CSE1L: variants seen among roughly 807,000 people sequenced by gnomAD.
CSE1L encodes the protein chromosome segregation 1 like.
CSE1L carries 24 observed loss-of-function variants against 120.4 expected under a neutral mutation model. That is an observed-to-expected ratio of 0.20 (90% CI 0.14 to 0.28). The LOEUF (loss-of-function observed/expected upper bound fraction) is 0.28, where lower values mean the gene tolerates loss of function less well. Among genes scored for constraint, CSE1L ranks in the 10% least tolerant of loss-of-function variants. The pLI is 1.00. For synonymous variants in CSE1L, 402 were observed against 398.3 expected, an observed-to-expected ratio of 1.01 and a Z score of -0.11; for missense variants, 830 against 1,145.2, an observed-to-expected ratio of 0.72 and a Z score of 3.97.
intron 1 of CSE1L, among the ~76,000 whole-genome samples, chr20:49,052,356 A>G (rs1384164793): frequency 6.6e-6 from 1 of 152,240 alleles, no homozygotes; most frequent in Admixed American, 6.5e-5. Context: ...AAATGAGGGT[A>G]ATTGCTAACA....
intron 1 of CSE1L, among the ~76,000 whole-genome samples, chr20:49,052,764 A>G (rs2091777389): frequency 6.6e-6 from 1 of 151,980 alleles, no homozygotes; most frequent in Admixed American, 6.6e-5. Context: ...AATTTTTTGT[A>G]TATTTAGTAG....
At chr20:49,050,987 T>C (rs1453250966) in intron 1 of CSE1L, among the ~76,000 whole-genome samples, 2 of 152,194 alleles carry the variant, frequency 1.3e-5, no homozygotes, top group African/African-American at 4.8e-5. Context: ...CTTTTTAAAA[T>C]AGTACAACAA....
chr20:49,065,313 A>AATTTTT (rs775165525), intron 3 of CSE1L, among the ~76,000 whole-genome samples: 5 of 52,118 alleles, frequency 9.6e-5, no homozygotes, highest in South Asian at 8.7e-4. Flanking sequence ...TGAAAAAAAA[A>AATTTTT]TTTTTTTTTT....
chr20:49,072,462 A>C lies in CSE1L; in HGVS notation c.936+9A>C. 1 of 1,612,374 alleles carries C rather than the reference A, an allele frequency of 6.2e-7. No homozygotes were observed. The highest frequency in any genetic ancestry group is 8.5e-7 in the Non-Finnish European group (1 of 1,178,574). ...AGGTTAAATATGATTTGGTAAGATGATGGTGGAGACAAATAATTAAAAGAC... is the reference window on the plus strand; with the variant it reads ...AGGTTAAATATGATTTGGTAAGATGCTGGTGGAGACAAATAATTAAAAGAC... On this transcript the variant is annotated intron_variant, in intron 9 of 24. Coordinates refer to ENST00000262982, the MANE Select transcript of CSE1L (RefSeq NM_001316.4).
chr20:49,079,253 A>C lies in CSE1L; in HGVS notation c.1482+631A>C, dbSNP rs183724402. 4.5e-3 allele frequency among the ~76,000 whole-genome samples: 625 copies of C among 140,048 alleles called. 1 individual carries two copies. The highest frequency in any genetic ancestry group is 0.011 in the Middle Eastern group (2 of 190). 91.9% of individuals were successfully genotyped at this position (140,048 alleles called of 152,430 possible). Reference sequence around the variant, plus strand: ...ATTTTTTTTTATTTTTTTGAGACGGATCTCACTCTGTCACCCAGGCTGGAA... The same window carrying C: ...ATTTTTTTTTATTTTTTTGAGACGGCTCTCACTCTGTCACCCAGGCTGGAA... On this transcript the variant is annotated intron_variant, in intron 14 of 24. Transcript: ENST00000262982.
rs766788389 is a variant in CSE1L at position 49,072,342 on chromosome 20, C to A, written c.825C>A (p.Ala275=). Residue 275 remains alanine (A), a synonymous_variant, in exon 9 of 25, where the codon GCC becomes GCA. Coordinates refer to ENST00000262982, the MANE Select transcript of CSE1L (RefSeq NM_001316.4). ...TAAAATCCCAGATTTGTGATAATGC[C>A]GCACTCTATGCACAAAAGTACGATG... The part of the protein sequence containing the change: ...ELLKSQICDN[A]ALYAQKYDEE... The A allele has an allele frequency of 1.2e-6, 2 of 1,614,102 alleles. No individual in the cohort carries two copies. The highest frequency in any genetic ancestry group is 1.7e-6 in the Non-Finnish European group (2 of 1,180,022).
At chr20:49,063,462 G>A (rs939672203) in intron 3 of CSE1L, 118 bp downstream of exon 3, 19 of 530,716 alleles carry the variant, frequency 3.6e-5, no homozygotes, top group Non-Finnish European at 5.8e-5. Flanking sequence ...AGGCTGAGGC[G>A]GAAGGATCAC....
At chr20:49,079,003 T>A (rs1231387577) in intron 14 of CSE1L, among the ~76,000 whole-genome samples, 1 of 152,138 alleles carries the variant, frequency 6.6e-6, no homozygotes, top group Non-Finnish European at 1.5e-5. Flanking sequence ...GTGATTCTCC[T>A]GTCTCAGCCT....
At chr20:49,086,842 C>G (rs2092062373) in intron 16 of CSE1L, among the ~76,000 whole-genome samples, 1 of 152,116 alleles carries the variant, frequency 6.6e-6, no homozygotes, top group South Asian at 2.1e-4. Context: ...CCTTTTAACC[C>G]AGGTCAGGGA....
In CSE1L at chr20:49,090,791, A is replaced by C. The variant is rs749080558; in HGVS notation, c.2231A>C (p.Asp744Ala). 6.2e-7 allele frequency: 1 copy of C among 1,614,064 alleles called. No individual in the cohort carries two copies. The highest frequency in any genetic ancestry group is 8.5e-7 in the Non-Finnish European group (1 of 1,179,972). Residue 744 changes from aspartate (D) to alanine (A), a missense_variant, in exon 20 of 25, where the codon GAC (aspartate) becomes GCC (alanine). By Grantham distance (126) the Asp-to-Ala change is moderately radical (BLOSUM62 -2). Coordinates refer to ENST00000262982, the MANE Select transcript of CSE1L (RefSeq NM_001316.4). ...AAGCTGATTGCATCCAAAGCAAATG[A>C]CCACCAAGGTTTTTATCTTCTAAAC... ...FQKLIASKAN[D>A]HQGFYLLNSI...
intron 1 of CSE1L, among the ~76,000 whole-genome samples, chr20:49,050,364 G>A (rs2091756650): frequency 6.7e-6 from 1 of 150,238 alleles, no homozygotes; most frequent in Non-Finnish European, 1.5e-5. Flanking sequence ...GACCACAGGA[G>A]GGTATCACCA....
chr20:49,089,269 A>G lies in CSE1L; in HGVS notation c.1844A>G (p.Asn615Ser). ...CAGAACCCAAGCAAACCTCACTTTAATCACTACATGTTTGAAGCAATATGT... is the reference window on the plus strand; with the variant it reads ...CAGAACCCAAGCAAACCTCACTTTAGTCACTACATGTTTGAAGCAATATGT... ...VSKNPSKPHF[N>S]HYMFEAICLS... The change falls in exon 18 of 25, where the codon AAT becomes AGT. Residue 615 changes from asparagine to serine, a missense_variant. This residue lies in a region of CSE1L where 168 missense variants were observed against 267.9 expected (regional missense o/e 0.63). Transcript: ENST00000262982. 2 of 1,588,930 alleles carry G rather than the reference A, an allele frequency of 1.3e-6. No individual in the cohort carries two copies. Among genetic ancestry groups the G allele is most frequent in the Non-Finnish European group, 1.7e-6 (2 of 1,173,518 alleles).
At chr20:49,054,177 A>C (rs1379140268) in intron 1 of CSE1L, among the ~76,000 whole-genome samples, 1 of 152,230 alleles carries the variant, frequency 6.6e-6, no homozygotes, top group Non-Finnish European at 1.5e-5. Context: ...GGGAGTGATT[A>C]GGTAGGTGGT....
chr20:49,066,120 T>G, intron 3 of CSE1L, 72 bp from the exon 4 acceptor site: 3 of 1,265,784 alleles, frequency 2.4e-6, no homozygotes, highest in Non-Finnish European at 3.4e-6. Flanking sequence ...AAAACAGTTA[T>G]GTTTTACCTA....
chr20:49,066,016 T>C (rs540461533), intron 3 of CSE1L, among the ~76,000 whole-genome samples, 176 bp from the exon 4 acceptor site: 1 of 152,340 alleles, frequency 6.6e-6, no homozygotes, highest in South Asian at 2.1e-4. Context: ...TGTCATCAGA[T>C]TATTGAAGGA....
At chr20:49,071,538 C>G (rs2091931607) in intron 8 of CSE1L, among the ~76,000 whole-genome samples, 1 of 152,178 alleles carries the variant, frequency 6.6e-6, no homozygotes, top group Non-Finnish European at 1.5e-5. Context: ...GGCTGGAGTG[C>G]AGTGGCATGA....
intron 8 of CSE1L, among the ~76,000 whole-genome samples, chr20:49,071,633 C>T (rs2091932319): frequency 6.6e-6 from 1 of 152,008 alleles, no homozygotes; most frequent in Non-Finnish European, 1.5e-5. Context: ...TATGGGTATG[C>T]ACCACCATGC....
Position 49,075,411 on chromosome 20 carries a change from T to G in CSE1L, c.1226T>G (p.Val409Gly). Residue 409 changes from valine to glycine, a missense_variant, in exon 12 of 25, where the codon GTT (valine) becomes GGT (glycine). By Grantham distance (109) the Val-to-Gly change is moderately radical. This residue lies in a region of CSE1L where 543 missense variants were observed against 640.2 expected (regional missense o/e 0.85). Coordinates refer to ENST00000262982, the MANE Select transcript of CSE1L (RefSeq NM_001316.4). ...GPVTGIFSGY[V>G]NSMLQEYAKN... ...GTGACAGGAATCTTCTCTGGTTATG[T>G]TAATTCCATGCTGCAGGAATACGCA... 1.2e-6 allele frequency: 2 copies of G among 1,614,154 alleles called. No homozygotes were observed. The highest frequency in any genetic ancestry group is 1.7e-6 in the Non-Finnish European group (2 of 1,179,980).
intron 1 of CSE1L, among the ~76,000 whole-genome samples, chr20:49,056,876 T>C (rs1005773902): frequency 3.2e-5 from 4 of 124,858 alleles, no homozygotes; most frequent in African/African-American, 1.3e-4. Context: ...TGTGTGTGTG[T>C]GTGTGTGTGT....
Sources: allele counts gnomAD v4.1 joint callset (sites outside exome capture counted in the v4.1 genomes callset), GRCh38; gene constraint gnomAD v4.1.1; regional missense constraint gnomAD v4.1.1; transcripts MANE v1.5; gene names NCBI Gene and HGNC (gene_info 2026-07-23, HGNC 2026-07-21).